The following LAMA2 variants were observed in gnomAD, a reference collection of about 807,000 sequenced individuals.
LAMA2 encodes the protein laminin subunit alpha 2.
In LAMA2, 269 loss-of-function variants were observed where a neutral mutation model predicts 364.8. The observed-to-expected ratio is 0.74, with a 90% CI of 0.67 to 0.82. The LOEUF (loss-of-function observed/expected upper bound fraction) is 0.82. Ranked by LOEUF, LAMA2 falls within the 40% of genes least tolerant of loss-of-function variation. The pLI is 0.00. For missense variants in LAMA2, 3,807 were observed against 3,873.2 expected (o/e 0.98, Z 0.45); for synonymous variants, 1,379 against 1,370.6 (o/e 1.01, Z -0.14).
At chr6:128,981,516 G>A (rs1453824703) in intron 1 of LAMA2, among the ~76,000 whole-genome samples, 1 of 149,028 alleles carries the variant, frequency 6.7e-6, no homozygotes. Flanking sequence ...GCCAAGGCCA[G>A]CAGATCACTT....
intron 1 of LAMA2, among the ~76,000 whole-genome samples, chr6:128,984,995 G>T (rs575684361): frequency 1.3e-5 from 2 of 152,190 alleles, no homozygotes; most frequent in Admixed American, 6.5e-5. Context: ...TCTAAGATAC[G>T]TTATTTTTAT....
At chr6:128,887,166 C>T (rs891161380) in intron 1 of LAMA2, among the ~76,000 whole-genome samples, 1 of 152,124 alleles carries the variant, frequency 6.6e-6, no homozygotes, top group Non-Finnish European at 1.5e-5. Flanking sequence ...TCCACATCAT[C>T]GTCAATTGCA....
intron 4 of LAMA2, among the ~76,000 whole-genome samples, chr6:129,133,005 CACAA>C: frequency 6.6e-6 from 1 of 152,238 alleles, no homozygotes. Context: ...TGAACACACA[CACAA>C]ACACACATAC....
Position 129,516,434 on chromosome 6 carries a change from T to TTAAAC in LAMA2, c.*91_*95dup, listed in dbSNP as rs1787088176. The TTAAAC allele has an allele frequency of 1.5e-6, 2 of 1,318,458 alleles. No homozygotes were observed. The highest frequency in any genetic ancestry group is 3.9e-5 in the Admixed American group (2 of 50,902). The allele number at this position is 1,318,458 out of a possible 1,614,324, so 81.7% of individuals were successfully genotyped here. ...AATATATTTTACCTATATATGTTAA[T>TTAAAC]TAAACTAATTTGTGCATGTACATAG... On this transcript the variant is annotated 3_prime_UTR_variant, in exon 65 of 65. Coordinates refer to ENST00000421865, the MANE Select transcript of LAMA2 (RefSeq NM_000426.4).
At chr6:129,190,579 A>G (rs1297402661) in intron 11 of LAMA2, among the ~76,000 whole-genome samples, 2 of 152,188 alleles carry the variant, frequency 1.3e-5, no homozygotes, top group African/African-American at 2.4e-5. Flanking sequence ...TAGTCTTTTT[A>G]GTGTCCATGA....
chr6:128,939,941 G>A (rs1054347084), intron 1 of LAMA2, among the ~76,000 whole-genome samples: 10 of 151,818 alleles, frequency 6.6e-5, no homozygotes, highest in African/African-American at 2.2e-4. Context: ...ATCCCTTCAC[G>A]GCATCCAGAA....
intron 10 of LAMA2, among the ~76,000 whole-genome samples, chr6:129,179,892 A>C (rs1439418540): frequency 6.6e-6 from 1 of 152,146 alleles, no homozygotes; most frequent in African/African-American, 2.4e-5. Context: ...TATCACAATA[A>C]TATCACAATA....
At position 129,192,854 on chromosome 6, in the gene LAMA2, G is replaced by T; in HGVS notation, c.1782+1G>T. On this transcript the variant is annotated splice_donor_variant, in intron 12 of 64. Transcript: ENST00000421865. LOFTEE classifies it high-confidence loss of function. Reference sequence around the variant, plus strand: ...GCCGGCTCCCTATCTGGGAAACAAAGTAAGTCCACGCTTGCTTCCCGCTAT... The same window carrying T: ...GCCGGCTCCCTATCTGGGAAACAAATTAAGTCCACGCTTGCTTCCCGCTAT... 6 of 1,613,682 alleles carry T rather than the reference G, an allele frequency of 3.7e-6. No individual in the cohort carries two copies. Among genetic ancestry groups the T allele is most frequent in the Non-Finnish European group, 5.1e-6 (6 of 1,179,756 alleles).
intron 9 of LAMA2, among the ~76,000 whole-genome samples, chr6:129,172,833 G>A (rs1256242593): frequency 6.6e-6 from 1 of 152,232 alleles, no homozygotes; most frequent in Non-Finnish European, 1.5e-5. Context: ...GACTCCATGG[G>A]CGTAGGACCC....
At chr6:128,925,712 A>G (rs941405907) in intron 1 of LAMA2, among the ~76,000 whole-genome samples, 5 of 151,892 alleles carry the variant, frequency 3.3e-5, no homozygotes, top group Non-Finnish European at 7.4e-5. Context: ...TAACATCCTC[A>G]CTCCCAGTGC....
chr6:129,205,493 TACACACACACAC>T (rs767013359), intron 12 of LAMA2, among the ~76,000 whole-genome samples: 5 of 104,268 alleles, frequency 4.8e-5, no homozygotes, highest in East Asian at 4.9e-4. Context: ...TATATATATA[TACACACACACAC>T]ACACACACAC....
chr6:129,158,673 C>G (rs1464990451), intron 8 of LAMA2: 1 of 1,614,172 alleles, frequency 6.2e-7, no homozygotes, highest in Non-Finnish European at 8.5e-7. Context: ...CCATCGAATG[C>G]TGCCATCAAA....
chr6:129,484,786 T>G (rs925221216), intron 55 of LAMA2, among the ~76,000 whole-genome samples: 1 of 152,100 alleles, frequency 6.6e-6, no homozygotes, highest in Admixed American at 6.5e-5. Context: ...AAATCCACAT[T>G]TGTGGTTACC....
At chr6:129,045,944 G>A (rs1028429855) in intron 1 of LAMA2, among the ~76,000 whole-genome samples, 6 of 152,282 alleles carry the variant, frequency 3.9e-5, no homozygotes, top group South Asian at 2.1e-4. Context: ...GCAAAAATCC[G>A]AGAGAAAAAG....
chr6:129,442,273 C>CT (rs1397403565), intron 43 of LAMA2: 1 of 1,250,732 alleles, frequency 8.0e-7, no homozygotes, highest in Non-Finnish European at 1.1e-6. Context: ...AATACGACTC[C>CT]TTCATGAGCA....
intron 4 of LAMA2, among the ~76,000 whole-genome samples, chr6:129,114,318 A>C (rs1276122143): frequency 6.6e-6 from 1 of 152,046 alleles, no homozygotes; most frequent in Non-Finnish European, 1.5e-5. Flanking sequence ...ATTCTGAAAA[A>C]TACTGTCACT....
chr6:129,286,532 C>T (rs1421149556), intron 18 of LAMA2, among the ~76,000 whole-genome samples: 1 of 112,722 alleles, frequency 8.9e-6, no homozygotes, highest in Non-Finnish European at 1.7e-5. Flanking sequence ...TTTGTTTTTC[C>T]AATAATATAA....
At chr6:129,441,391 G>A (rs995868350) in intron 43 of LAMA2, among the ~76,000 whole-genome samples, 1 of 152,152 alleles carries the variant, frequency 6.6e-6, no homozygotes, top group African/African-American at 2.4e-5. Context: ...TTCATGAACA[G>A]ACTTGTTAGA....
intron 30 of LAMA2, among the ~76,000 whole-genome samples, chr6:129,345,428 T>A (rs1776493296): frequency 2.0e-5 from 3 of 152,198 alleles, no homozygotes; most frequent in African/African-American, 7.2e-5. Flanking sequence ...TTTACAGTTT[T>A]AAGAAATTTC....
Sources: gnomAD v4.1 joint callset for allele counts (sites outside exome capture counted in the v4.1 genomes callset) on GRCh38, gnomAD v4.1.1 for gene constraint, MANE v1.5 for transcripts, NCBI Gene and HGNC (gene_info 2026-07-23, HGNC 2026-07-21) for gene names.